The following ASIP variants were observed in gnomAD, a reference collection of about 807,000 sequenced individuals.
ASIP encodes the protein agouti signaling protein, also known as agouti-signaling protein.
In ASIP, 11 loss-of-function variants were observed where a neutral mutation model predicts 10.3. The ratio of observed to expected loss-of-function variants is 1.07; its 90% CI spans 0.68 to 1.78. ASIP has a LOEUF of 1.78. Among genes scored for constraint, ASIP ranks in the 40% most tolerant of loss-of-function variants. The pLI is 0.00. For missense variants in ASIP, 180 were observed against 169.2 expected, an observed-to-expected ratio of 1.06 and a Z score of -0.35; for synonymous variants, 70 against 70.8, an observed-to-expected ratio of 0.99 and a Z score of 0.06.
At chr20:34,259,841 T>A (rs1253926678) in intron 1 of ASIP, among the ~76,000 whole-genome samples, 1 of 152,170 alleles carries the variant, frequency 6.6e-6, no homozygotes, top group Non-Finnish European at 1.5e-5. Context: ...AAACTATACC[T>A]GCATTCGTTC....
chr20:34,208,936 A>G (rs75420814), intron 1 of ASIP, among the ~76,000 whole-genome samples: 2,321 of 152,340 alleles, frequency 0.015, 32 homozygotes, highest in Non-Finnish European at 0.026. Context: ...TAGAAATTCT[A>G]TAATACTAAT....
the ASIP span, among the ~76,000 whole-genome samples, chr20:34,189,183 G>A: frequency 6.6e-6 from 1 of 152,312 alleles, no homozygotes; most frequent in African/African-American, 2.4e-5. Flanking sequence ...AAGGAGCAGA[G>A]CCACGGTCTG....
chr20:34,220,502 G>A (rs1168249044), intron 1 of ASIP, among the ~76,000 whole-genome samples: 1 of 152,040 alleles, frequency 6.6e-6, no homozygotes, highest in Non-Finnish European at 1.5e-5. Context: ...GGCTGAGGTG[G>A]GAGGATCGCT....
intron 1 of ASIP, chr20:34,214,926 C>A: frequency 2.0e-6 from 3 of 1,494,048 alleles, no homozygotes; most frequent in South Asian, 2.3e-5. Context: ...TCTTAATATT[C>A]CCATTCTTAG....
At chr20:34,261,977 G>A (rs551640839) in intron 2 of ASIP, among the ~76,000 whole-genome samples, 1 of 151,950 alleles carries the variant, frequency 6.6e-6, no homozygotes, top group Non-Finnish European at 1.5e-5. Context: ...GCCAGGTGTG[G>A]TGGTACATGC....
At chr20:34,232,023 A>G (rs1264578207) in intron 1 of ASIP, among the ~76,000 whole-genome samples, 1 of 152,238 alleles carries the variant, frequency 6.6e-6, no homozygotes, top group Non-Finnish European at 1.5e-5. Context: ...AGCAAGCAGC[A>G]TGAGCATTAA....
intron 1 of ASIP, among the ~76,000 whole-genome samples, chr20:34,202,916 C>G (rs929540367): frequency 2.0e-5 from 3 of 147,666 alleles, no homozygotes; most frequent in Non-Finnish European, 3.0e-5. Context: ...TCACGCCATT[C>G]TCCTGCCTCA....
At chr20:34,233,003 C>T (rs561578349) in intron 1 of ASIP, among the ~76,000 whole-genome samples, 1 of 152,302 alleles carries the variant, frequency 6.6e-6, no homozygotes, top group East Asian at 1.9e-4. Context: ...CCTCCAGGTA[C>T]TGGGATCGTT....
upstream of ASIP, among the ~76,000 whole-genome samples, chr20:34,190,970 T>C (rs546230146): frequency 6.6e-6 from 1 of 152,290 alleles, no homozygotes; most frequent in East Asian, 1.9e-4. Flanking sequence ...GGGGCCCAAG[T>C]GCAAAGCTCC....
intron 1 of ASIP, chr20:34,214,082 T>C (rs2034992064): frequency 1.6e-6 from 2 of 1,218,168 alleles, no homozygotes; most frequent in Non-Finnish European, 2.4e-6. Context: ...GTCTCATAAA[T>C]AAAATTTGAT....
intron 1 of ASIP, among the ~76,000 whole-genome samples, chr20:34,211,188 C>A (rs1159203890): frequency 3.3e-5 from 5 of 152,072 alleles, no homozygotes; most frequent in African/African-American, 1.2e-4. Flanking sequence ...TGCCACCATG[C>A]CTGGCTCGAT....
chr20:34,213,778 T>C (rs2122551909), intron 1 of ASIP: 1 of 1,505,778 alleles, frequency 6.6e-7, no homozygotes, highest in East Asian at 2.3e-5. Context: ...AATACCCTTT[T>C]GTAAGGGACA....
At chr20:34,197,027 T>A (rs572704344) in intron 1 of ASIP, among the ~76,000 whole-genome samples, 8 of 151,794 alleles carry the variant, frequency 5.3e-5, no homozygotes, top group African/African-American at 1.9e-4. Flanking sequence ...ACAATTTGAA[T>A]CTTGTTTAAA....
At chr20:34,256,273 A>C (rs2035567021) in intron 1 of ASIP, among the ~76,000 whole-genome samples, 1 of 152,146 alleles carries the variant, frequency 6.6e-6, no homozygotes, top group South Asian at 2.1e-4. Flanking sequence ...TCTTGTATCC[A>C]ATAAATAACA....
chr20:34,227,651 T>G (rs886637991), intron 1 of ASIP, among the ~76,000 whole-genome samples: 1 of 148,920 alleles, frequency 6.7e-6, no homozygotes. Context: ...AAAAAAGAGA[T>G]ATACCATATT....
intron 1 of ASIP, among the ~76,000 whole-genome samples, chr20:34,247,794 G>A (rs2035405179): frequency 6.6e-6 from 1 of 151,890 alleles, no homozygotes; most frequent in African/African-American, 2.4e-5. Flanking sequence ...ATGAGGTCTT[G>A]CCGTGTTGCC....
intron 1 of ASIP, chr20:34,213,963 A>T (rs1024201800): frequency 4.4e-6 from 7 of 1,576,688 alleles, no homozygotes; most frequent in Admixed American, 3.8e-5. Flanking sequence ...CCAGCATCAA[A>T]TTTTCTAACA....
chr20:34,233,298 C>T (rs1478278363), intron 1 of ASIP, among the ~76,000 whole-genome samples: 1 of 152,024 alleles, frequency 6.6e-6, no homozygotes, highest in African/African-American at 2.4e-5. Context: ...CAGGCACCCA[C>T]CACCATGCCC....
intron 2 of ASIP, among the ~76,000 whole-genome samples, chr20:34,261,795 G>T (rs934560912): frequency 6.6e-6 from 1 of 151,768 alleles, no homozygotes; most frequent in African/African-American, 2.4e-5. Flanking sequence ...GACAGACCCT[G>T]ACTCAAAAAA....
Sources: allele counts gnomAD v4.1 joint callset (sites outside exome capture counted in the v4.1 genomes callset), GRCh38; gene constraint gnomAD v4.1.1; transcripts MANE v1.5; gene names NCBI Gene and HGNC (gene_info 2026-07-23, HGNC 2026-07-21).